The following UBN1 variants were observed in gnomAD, a reference collection of about 807,000 sequenced individuals.
UBN1 encodes the protein ubinuclein 1.
In UBN1, 17 loss-of-function variants were observed where a neutral mutation model predicts 108.5. The observed-to-expected ratio is 0.16, with a 90% confidence interval of 0.11 to 0.24. The LOEUF is 0.24. Ranked by LOEUF, UBN1 falls within the 10% of genes least tolerant of loss-of-function variation. The pLI is 1.00. For synonymous variants in UBN1, 726 were observed against 564.2 expected (o/e 1.29, Z -4.07); for missense variants, 1,595 against 1,394.4 (o/e 1.14, Z -2.29).
At chr16:4,865,284 G>A (rs2087273300) in intron 7 of UBN1, among the ~76,000 whole-genome samples, 2 of 152,148 alleles carry the variant, frequency 1.3e-5, no homozygotes, top group Non-Finnish European at 2.9e-5. Context: ...AAGGTTTACA[G>A]AAAAGTACTT....
rs372757318 is a variant in UBN1 at position 4,877,202 on chromosome 16, A to C, written c.3265+91A>C. 39 of 1,524,948 alleles carry C rather than the reference A, an allele frequency of 2.6e-5. No homozygotes were observed. The African/African-American group carries it at 5.0e-4, about 19-fold the overall frequency. The allele number at this position is 1,524,948 out of a possible 1,614,324, so 94.5% of individuals were successfully genotyped here. A position where few individuals can be genotyped will look rare whatever the true frequency, so the allele number is the denominator to read the frequency against. ...TTGTGTACTCTGGTTCCTGTGTTTG[A>C]GTCTGGTGTGTGACTGTGGGGAACA... On this transcript the variant is annotated intron_variant, in intron 16 of 17. Coordinates refer to ENST00000262376, the MANE Select transcript of UBN1 (RefSeq NM_001079514.3). This position sits in a 1 kb window ranked among gnomAD's most constrained non-coding sequence, Gnocchi z 4.3.
rs1245531006 is a variant in UBN1, at chr16:4,876,885, G to T, written c.3039G>T (p.Gly1013=). The T allele has an allele frequency of 6.2e-7, 1 of 1,607,662 alleles. No individual in the cohort carries two copies. The highest frequency in any genetic ancestry group is 8.5e-7 in the Non-Finnish European group (1 of 1,176,560). The change falls in exon 16 of 18, where the codon GGG becomes GGT. Residue 1013 remains glycine, a synonymous_variant. Coordinates refer to ENST00000262376, the MANE Select transcript of UBN1 (RefSeq NM_001079514.3). ...TTCTTCCCTAGAAAGGAGCGAGTGG[G>T]ACTGTGCTGCTGGCCGGCTCCTCTT... ...SSTSLSKGAS[G]TVLLAGSSLM...
rs2088060580 is a variant in UBN1 at position 4,881,031 on chromosome 16, A to T, written c.*899A>T. 1 of 152,448 alleles carries T rather than the reference A, an allele frequency of 6.6e-6. No individual in the cohort carries two copies. Among genetic ancestry groups the T allele is most frequent in the Non-Finnish European group, 1.5e-5 (1 of 68,046 alleles). The allele number at this position is 152,448 out of a possible 1,614,324, so 9.4% of individuals were successfully genotyped here. A position where few individuals can be genotyped will look rare whatever the true frequency, so the allele number is the denominator to read the frequency against. On this transcript the variant is annotated 3_prime_UTR_variant, in exon 18 of 18. Coordinates refer to ENST00000262376, the MANE Select transcript of UBN1 (RefSeq NM_001079514.3). ...GCACATCATTATCTGTGCCGTCCTG[A>T]CTAGAAGGTTGTCTGGGCCCCCAAA...
intron 2 of UBN1, among the ~76,000 whole-genome samples, chr16:4,856,090 A>G (rs1300728312): frequency 6.6e-6 from 1 of 152,246 alleles, no homozygotes; most frequent in African/African-American, 2.4e-5. Flanking sequence ...TTCCTGTTTC[A>G]GGAAAATGGT....
At chr16:4,854,190 C>T (rs761844288) in intron 2 of UBN1, among the ~76,000 whole-genome samples, 9 of 151,994 alleles carry the variant, frequency 5.9e-5, no homozygotes, top group Non-Finnish European at 1.0e-4. Flanking sequence ...TCCGCCACCA[C>T]GCCCGGCAAA....
chr16:4,858,966 T>G, intron 4 of UBN1, 59 bp from the exon 5 acceptor site: 1 of 1,590,350 alleles, frequency 6.3e-7, no homozygotes, highest in Non-Finnish European at 8.5e-7. Flanking sequence ...GAGACCCACT[T>G]TGCACCTTCG....
intron 2 of UBN1, 63 bp from the exon 3 acceptor site, chr16:4,857,927 T>A (rs1313914916): frequency 9.3e-6 from 12 of 1,284,250 alleles, no homozygotes; most frequent in Non-Finnish European, 1.3e-5. Context: ...TCAGTGAAGT[T>A]TCTATGAATA....
In UBN1 at chr16:4,859,173, T is replaced by A. The variant is rs759343882; in HGVS notation, c.567+14T>A. The A allele has an allele frequency of 6.2e-7, 1 of 1,608,304 alleles. No homozygotes were observed. On this transcript the variant is annotated intron_variant, in intron 5 of 17. Coordinates refer to ENST00000262376, the MANE Select transcript of UBN1 (RefSeq NM_001079514.3). Reference sequence around the variant, plus strand: ...AAATCTCCAAAGGTTAGAATGTGCTTGCTTTTGGATTTCAGAAATGCTTTT... The same window carrying A: ...AAATCTCCAAAGGTTAGAATGTGCTAGCTTTTGGATTTCAGAAATGCTTTT...
chr16:4,852,403 G>C (rs951144785), intron 1 of UBN1: 2 of 154,736 alleles, frequency 1.3e-5, no homozygotes, highest in African/African-American at 4.8e-5. Context: ...TGAGTCACTG[G>C]TTCTTTACTA....
At position 4,860,736 on chromosome 16, in the gene UBN1, G is replaced by A; in HGVS notation, c.744G>A (p.Met248Ile). 2 of 1,614,266 alleles carry A rather than the reference G, an allele frequency of 1.2e-6. No homozygotes were observed. The highest frequency in any genetic ancestry group is 1.7e-6 in the Non-Finnish European group (2 of 1,180,046). ...KYSGALSVKE[M>I]LKKFQKEKEA... is the part of the protein sequence containing the mutation. ...CTGGGGCTTTAAGCGTTAAAGAGATGCTAAAGAAATTTCAGAAAGAGAAAG... is the reference window on the plus strand; with the variant it reads ...CTGGGGCTTTAAGCGTTAAAGAGATACTAAAGAAATTTCAGAAAGAGAAAG... Residue 248 changes from methionine to isoleucine, a missense_variant, in exon 7 of 18, where the codon ATG (methionine) becomes ATA (isoleucine). By Grantham distance (10) the Met-to-Ile change is conservative. Coordinates refer to ENST00000262376, the MANE Select transcript of UBN1 (RefSeq NM_001079514.3).
intron 2 of UBN1, among the ~76,000 whole-genome samples, chr16:4,856,183 A>G (rs975876555): frequency 1.3e-5 from 2 of 152,230 alleles, no homozygotes; most frequent in African/African-American, 4.8e-5. Context: ...CAGCAGGTCA[A>G]CTGAAATTAG....
rs780756913 is a variant in UBN1 at position 4,859,130 on chromosome 16, A to G, written c.538A>G (p.Ile180Val). 1.4e-5 allele frequency: 22 copies of G among 1,613,652 alleles called. No homozygotes were observed. Among genetic ancestry groups the G allele is most frequent in the Non-Finnish European group, 1.8e-5 (21 of 1,179,926 alleles). Reference protein sequence around the residue: ...RQASESEDDFIKEKKKKSPKK... With the variant: ...RQASESEDDFVKEKKKKSPKK... ...AGCATCAGAGTCTGAAGATGACTTC[A>G]TTAAAGAAAAGAAGAAAAAATCTCC... The change falls in exon 5 of 18, where the codon ATT becomes GTT. Residue 180 changes from isoleucine (I) to valine (V), a missense_variant. Transcript: ENST00000262376.
At chr16:4,872,251 C>T in intron 12 of UBN1, 1 of 985,326 alleles carries the variant, frequency 1.0e-6, no homozygotes, top group Non-Finnish European at 1.2e-6. Flanking sequence ...TGGGTCACTC[C>T]ACATTTTATT....
Position 4,877,241 on chromosome 16 carries a change from T to C in UBN1, c.3265+130T>C. On this transcript the variant is annotated intron_variant, in intron 16 of 17. Transcript: ENST00000262376. The surrounding 1 kb of genome is among the most constrained non-coding windows in gnomAD (Gnocchi z 4.3). ...CTGTGGGGAACATCTCCGGGAACTG[T>C]GCCAAGCCCCCACTGCCCCTTTGGG... 6.6e-7 allele frequency: 1 copy of C among 1,513,796 alleles called. No individual in the cohort carries two copies. The highest frequency in any genetic ancestry group is 8.8e-7 in the Non-Finnish European group (1 of 1,130,928). The allele number at this position is 1,513,796 out of a possible 1,614,324, so 93.8% of individuals were successfully genotyped here.
At chr16:4,878,972 A>G (rs952305748) in intron 17 of UBN1, among the ~76,000 whole-genome samples, 2 of 152,130 alleles carry the variant, frequency 1.3e-5, no homozygotes, top group Admixed American at 1.3e-4. Context: ...TGGTCATGCT[A>G]CTGCACTCCA....
chr16:4,861,979 GCAGCTCTTGC>G (rs1255329718), intron 7 of UBN1, among the ~76,000 whole-genome samples: 4 of 152,210 alleles, frequency 2.6e-5, no homozygotes, highest in Non-Finnish European at 5.9e-5. Flanking sequence ...TTAGGATCTA[GCAGCTCTTGC>G]TGTTTTACTC....
At chr16:4,851,548 G>C (rs1325667588) in intron 1 of UBN1, among the ~76,000 whole-genome samples, 4 of 152,202 alleles carry the variant, frequency 2.6e-5, no homozygotes, top group Non-Finnish European at 4.4e-5. Flanking sequence ...CAAAGGAAAA[G>C]AGCCTAGTTT....
At chr16:4,857,424 T>C (rs1348108937) in intron 2 of UBN1, among the ~76,000 whole-genome samples, 1 of 151,982 alleles carries the variant, frequency 6.6e-6, no homozygotes, top group Non-Finnish European at 1.5e-5. Context: ...GTGGAAAATT[T>C]GCTTGATGAG....
intron 7 of UBN1, among the ~76,000 whole-genome samples, chr16:4,864,849 A>C (rs2087246693): frequency 6.6e-6 from 1 of 151,456 alleles, no homozygotes; most frequent in Non-Finnish European, 1.5e-5. Context: ...ATGGATCCAA[A>C]GAGAATAACG....
Sources: gnomAD v4.1 joint callset for allele counts (sites outside exome capture counted in the v4.1 genomes callset) on GRCh38, gnomAD v4.1.1 for gene constraint, Gnocchi (gnomAD v3.1) non-coding constraint, MANE v1.5 for transcripts, NCBI Gene and HGNC (gene_info 2026-07-23, HGNC 2026-07-21) for gene names.